LRP1: variants seen among roughly 807,000 people sequenced by gnomAD.
LRP1 encodes the protein prolow-density lipoprotein receptor-related protein 1.
In LRP1, 51 loss-of-function variants were observed where a neutral mutation model predicts 541.5. The observed-to-expected ratio is 0.09, with a 90% CI of 0.08 to 0.12. LRP1 has a LOEUF of 0.12. Among genes scored for constraint, LRP1 ranks in the 10% least tolerant of loss-of-function variants. The probability of loss-of-function intolerance (pLI) is 1.00; values close to 1 mark genes in which losing one functional copy is unlikely to be tolerated. For missense variants in LRP1, 3,878 were observed against 6,376.2 expected (o/e 0.61, Z 13.34); for synonymous variants, 2,219 against 2,470.8 (o/e 0.90, Z 3.02).
chr12:57,190,734 C>A (rs1283847488), intron 42 of LRP1, 71 bp from the exon 43 acceptor site: 3 of 1,436,012 alleles, frequency 2.1e-6, no homozygotes, highest in Admixed American at 1.7e-5. Flanking sequence ...GGTGCCTACG[C>A]GTCCTGGCCT....
Position 57,212,300 on chromosome 12 carries a change from C to G in LRP1, c.13494+39C>G, listed in dbSNP as rs199849391. The G allele has an allele frequency of 1.2e-6, 2 of 1,611,422 alleles. No homozygotes were observed. The highest frequency in any genetic ancestry group is 2.7e-5 in the African/African-American group (2 of 74,774). ...CGGGCAGGGTCGAGTGCCAAGAGGC[C>G]GTGGGTGGCCTAACCAAAGGTGTTG... On this transcript the variant is annotated intron_variant, in intron 88 of 88. Transcript: ENST00000243077. The surrounding 1 kb of genome is among the most constrained non-coding windows in gnomAD (Gnocchi z 5.0).
chr12:57,201,195 CA>C lies in LRP1; in HGVS notation c.10345+43del. On this transcript the variant is annotated intron_variant, in intron 65 of 88. Transcript: ENST00000243077. This position sits in a 1 kb window ranked among gnomAD's most constrained non-coding sequence, Gnocchi z 6.4. The stretch of plus-strand genomic sequence containing the variant: ...GTGGTGGGCCGGTGGTGGGAGATGA[CA>C]CGGAAGCAGGGCAGGCAGAATCTCC... 6.2e-7 allele frequency: 1 copy of C among 1,610,620 alleles called. No individual in the cohort carries two copies. Among genetic ancestry groups the C allele is most frequent in the Non-Finnish European group, 8.5e-7 (1 of 1,177,390 alleles).
At chr12:57,146,231 C>T (rs1253601983) in intron 6 of LRP1, among the ~76,000 whole-genome samples, 1 of 152,118 alleles carries the variant, frequency 6.6e-6, no homozygotes, top group Non-Finnish European at 1.5e-5. Context: ...TAAAAGTCAA[C>T]ATCTGGCAGC....
chr12:57,211,387 G>A lies in LRP1; in HGVS notation c.13091+37G>A, dbSNP rs371192680. ...CCTCCTCCACAGTTCCACCCAGCTG[G>A]GCCCCTGCCCTGTCCTAGCCCTGCC... On this transcript the variant is annotated intron_variant, in intron 84 of 88. Coordinates refer to ENST00000243077, the MANE Select transcript of LRP1 (RefSeq NM_002332.3). The surrounding 1 kb of genome is among the most constrained non-coding windows in gnomAD (Gnocchi z 4.3). 2.9e-5 allele frequency: 47 copies of A among 1,610,742 alleles called. No individual in the cohort carries two copies. The African/African-American group carries it at 5.6e-4, about 19-fold the overall frequency.
intron 19 of LRP1, among the ~76,000 whole-genome samples, chr12:57,168,406 G>A (rs1019980940): frequency 1.3e-5 from 2 of 152,198 alleles, no homozygotes; most frequent in Non-Finnish European, 2.9e-5. Context: ...GAAAGAAGCA[G>A]AGACGGCAGA....
At chr12:57,136,396 C>CT (rs925064080) in intron 1 of LRP1, among the ~76,000 whole-genome samples, 208 of 18,916 alleles carry the variant, frequency 0.011, 6 homozygotes, top group African/African-American at 0.03. Context: ...CTCCTAAGAG[C>CT]CCCCCCCCCC....
chr12:57,199,930 C>T lies in LRP1; in HGVS notation c.9919C>T (p.Leu3307=). The change falls in exon 62 of 89, where the codon CTG becomes TTG. Residue 3307 remains leucine (L), a synonymous_variant. Transcript: ENST00000243077. The stretch of plus-strand genomic sequence containing the variant: ...TGGTGGCTGCAGCAACCTGTGCCTG[C>T]TGTCCCCCGGGGGAGGGCACAAATG... ...NNGGCSNLCL[L]SPGGGHKCAC... 1.3e-6 allele frequency: 2 copies of T among 1,596,942 alleles called. No individual in the cohort carries two copies. The highest frequency in any genetic ancestry group is 8.5e-7 in the Non-Finnish European group (1 of 1,173,780).
chr12:57,166,302 C>T, intron 17 of LRP1, 93 bp downstream of exon 17: 1 of 1,463,510 alleles, frequency 6.8e-7, no homozygotes, highest in South Asian at 1.3e-5. Context: ...TGCCTATAAT[C>T]TCAGCACTTT....
Position 57,185,024 on chromosome 12 carries a change from C to G in LRP1, c.6338+34C>G. On this transcript the variant is annotated intron_variant, in intron 39 of 88. Transcript: ENST00000243077. This position sits in a 1 kb window ranked among gnomAD's most constrained non-coding sequence, Gnocchi z 4.9. ...TTCTGTCCTGGCCTCCTCAGCTGAT[C>G]TCTTCCTTCCCTCCTGCCTCCACTG... 1 of 1,613,814 alleles carries G rather than the reference C, an allele frequency of 6.2e-7. No individual in the cohort carries two copies. Among genetic ancestry groups the G allele is most frequent in the Non-Finnish European group, 8.5e-7 (1 of 1,179,712 alleles).
chr12:57,176,405 G>A (rs991611643), intron 24 of LRP1, among the ~76,000 whole-genome samples: 6 of 152,210 alleles, frequency 3.9e-5, no homozygotes, highest in East Asian at 1.9e-4. Context: ...TAGGAGTGGC[G>A]TACCTGAACG....
At chr12:57,147,737 A>G (rs2035442835) in intron 6 of LRP1, 1 of 152,198 alleles carries the variant, frequency 6.6e-6, no homozygotes, top group Non-Finnish European at 1.5e-5. Context: ...TAGAATAGAA[A>G]GAAGGAAGGA....
chr12:57,202,741 A>C, intron 68 of LRP1: 1 of 574,676 alleles, frequency 1.7e-6, no homozygotes, highest in Non-Finnish European at 3.1e-6. Flanking sequence ...CCATTTTCAC[A>C]CTGTCCTCTC....
At chr12:57,199,092 C>T (rs2136736738) in intron 60 of LRP1, 120 bp from the exon 61 acceptor site, 1 of 896,062 alleles carries the variant, frequency 1.1e-6, no homozygotes, top group Admixed American at 1.8e-5. Context: ...CATGAACCAT[C>T]TGTAACTGGG....
At chr12:57,149,716 C>T in intron 6 of LRP1, 3 of 734,400 alleles carry the variant, frequency 4.1e-6, no homozygotes, top group Non-Finnish European at 5.0e-6. Flanking sequence ...AACGAGGTGA[C>T]ACAACACGGC....
Position 57,198,505 on chromosome 12 carries a change from G to A in LRP1, c.9511G>A (p.Gly3171Ser), listed in dbSNP as rs1260878365. Reference sequence around the variant, plus strand: ...AGACTGGGGTGACCATTCACTGATCGGCCGCATCGGCATGGATGGGTCCAG... The same window carrying A: ...AGACTGGGGTGACCATTCACTGATCAGCCGCATCGGCATGGATGGGTCCAG... ...WTDWGDHSLI[G>S]RIGMDGSSRS... Residue 3171 changes from glycine (G) to serine (S), a missense_variant, in exon 60 of 89, where the codon GGC (glycine) becomes AGC (serine). Transcript: ENST00000243077. 18 of 1,614,044 alleles carry A rather than the reference G, an allele frequency of 1.1e-5. No homozygotes were observed. The highest frequency in any genetic ancestry group is 1.6e-4 in the Middle Eastern group (1 of 6,062).
rs766592274 is a variant in LRP1 at position 57,177,144 on chromosome 12, G to A, written c.4095G>A (p.Leu1365=). ...ACATCTACTGGGTGGAGAGTAACCTGGATCAGATCGAGGTGGCCAAGCTGG... is the reference window on the plus strand; with the variant it reads ...ACATCTACTGGGTGGAGAGTAACCTAGATCAGATCGAGGTGGCCAAGCTGG... ...AGNIYWVESN[L]DQIEVAKLDG... The change falls in exon 25 of 89, where the codon CTG becomes CTA. Residue 1365 remains leucine (L), a synonymous_variant. Coordinates refer to ENST00000243077, the MANE Select transcript of LRP1 (RefSeq NM_002332.3). The surrounding 1 kb of genome is among the most constrained non-coding windows in gnomAD (Gnocchi z 6.8). 2 of 1,614,190 alleles carry A rather than the reference G, an allele frequency of 1.2e-6. No individual in the cohort carries two copies. The highest frequency in any genetic ancestry group is 2.2e-5 in the South Asian group (2 of 91,080).
rs1009523849 is a variant in LRP1 at position 57,185,985 on chromosome 12, G to A, written c.6841+77G>A. ...AGCACAGACTCTTAGACCCCAGCCA[G>A]GCACTCTACCCTAGGTCTGAATCCC... On this transcript the variant is annotated intron_variant, in intron 41 of 88. Coordinates refer to ENST00000243077, the MANE Select transcript of LRP1 (RefSeq NM_002332.3). The surrounding 1 kb of genome is among the most constrained non-coding windows in gnomAD (Gnocchi z 4.9). 1 of 1,484,100 alleles carries A rather than the reference G, an allele frequency of 6.7e-7. No homozygotes were observed. Among genetic ancestry groups the A allele is most frequent in the Admixed American group, 2.2e-5 (1 of 46,414 alleles). The allele number at this position is 1,484,100 out of a possible 1,614,324, so 91.9% of individuals were successfully genotyped here.
At chr12:57,171,805 G>A (rs189856126) in intron 20 of LRP1, among the ~76,000 whole-genome samples, 1 of 152,088 alleles carries the variant, frequency 6.6e-6, no homozygotes, top group Non-Finnish European at 1.5e-5. Context: ...TGAGTGTGGG[G>A]CTCCACCAGG....
chr12:57,203,096 G>C lies in LRP1; in HGVS notation c.10712-85G>C, dbSNP rs1358143000. 4 of 998,618 alleles carry C rather than the reference G, an allele frequency of 4.0e-6. No individual in the cohort carries two copies. The Admixed American group carries it at 1.1e-4, about 26-fold the overall frequency. 61.9% of individuals were successfully genotyped at this position (998,618 alleles called of 1,614,324 possible). On this transcript the variant is annotated intron_variant, in intron 68 of 88. Coordinates refer to ENST00000243077, the MANE Select transcript of LRP1 (RefSeq NM_002332.3). Reference sequence around the variant, plus strand: ...GTGGCCTTCAGAGACACGGGGATGGGCCTTGGGCTCGGGACTGTGGCACTA... The same window carrying C: ...GTGGCCTTCAGAGACACGGGGATGGCCCTTGGGCTCGGGACTGTGGCACTA...
Sources: gnomAD v4.1 joint callset for allele counts (sites outside exome capture counted in the v4.1 genomes callset) on GRCh38, gnomAD v4.1.1 for gene constraint, Gnocchi (gnomAD v3.1) non-coding constraint, MANE v1.5 for transcripts, NCBI Gene and HGNC (gene_info 2026-07-23, HGNC 2026-07-21) for gene names.